Variants in ADGRB2 observed in about 807,000 individuals in gnomAD.
ADGRB2 encodes adhesion G protein-coupled receptor B2, also known as brain-specific angiogenesis inhibitor 2.
A neutral mutation model predicts 178.7 loss-of-function variants in ADGRB2; 47 were observed. That is an observed-to-expected ratio of 0.26 (90% CI 0.21 to 0.34). The LOEUF (loss-of-function observed/expected upper bound fraction) is 0.34, where lower values mean the gene tolerates loss of function less well. Among genes scored for constraint, ADGRB2 ranks in the 10% least tolerant of loss-of-function variants. The pLI is 1.00. For missense variants in ADGRB2, 1,584 were observed against 2,180.8 expected (o/e 0.73, Z 5.45); for synonymous variants, 870 against 912.4 (o/e 0.95, Z 0.84).
Position 31,728,029 on chromosome 1 carries a change from C to T in ADGRB2, c.4568G>A (p.Cys1523Tyr). 6.4e-7 allele frequency: 1 copy of T among 1,568,418 alleles called. No individual in the cohort carries two copies. Among genetic ancestry groups the T allele is most frequent in the South Asian group, 1.2e-5 (1 of 86,434 alleles). Reference sequence around the variant, plus strand: ...ACCCAGCCCGGGGGGACTCACGGTGCACACGCTCCGCTCGGCTGCCCCACC... The same window carrying T: ...ACCCAGCCCGGGGGGACTCACGGTGTACACGCTCCGCTCGGCTGCCCCACC... ...SSGGAAERSV[C>Y]TDKPSPGERP... The change falls in exon 32 of 33, where the codon TGC becomes TAC. Residue 1523 changes from cysteine to tyrosine, a missense_variant. Physicochemically the swap from Cys to Tyr is radical, Grantham distance 194 (BLOSUM62 -2). Transcript: ENST00000373658. The surrounding 1 kb of genome is among the most constrained non-coding windows in gnomAD (Gnocchi z 6.7).
At position 31,744,749 on chromosome 1, in the gene ADGRB2, T is replaced by C. The variant is rs757082612; in HGVS notation, c.839-18A>G. ...CTCCTCACCTGGAACACGGAGGTGG[T>C]GGCAGGGGCTCAGCAAAGGCCAGCT... On this transcript the variant is annotated intron_variant, in intron 4 of 32. Transcript: ENST00000373658. This position sits in a 1 kb window ranked among gnomAD's most constrained non-coding sequence, Gnocchi z 6.7. The C allele has an allele frequency of 4.3e-6, 7 of 1,613,662 alleles. 1 individual carries two copies. Among genetic ancestry groups the C allele is most frequent in the Middle Eastern group, 1.7e-4 (1 of 6,060 alleles).
In ADGRB2 at chr1:31,733,413, A is replaced by G. The variant is rs1181994692; in HGVS notation, c.3453-270T>C. On this transcript the variant is annotated intron_variant, in intron 25 of 32. Transcript: ENST00000373658. The surrounding 1 kb of genome is among the most constrained non-coding windows in gnomAD (Gnocchi z 4.3). Reference sequence around the variant, plus strand: ...CAGACACAGTGGGACCGAGCCACAGACAGTGGAAAGGGACGGGGAGAGAGA... The same window carrying G: ...CAGACACAGTGGGACCGAGCCACAGGCAGTGGAAAGGGACGGGGAGAGAGA... Among the ~76,000 whole-genome samples the G allele has an allele frequency of 2.6e-5, 4 of 152,238 alleles. No individual in the cohort carries two copies. The highest frequency in any genetic ancestry group is 1.3e-4 in the Admixed American group (2 of 15,292).
chr1:31,741,947 G>A lies in ADGRB2; in HGVS notation c.1438C>T (p.Pro480Ser), dbSNP rs781652961. Reference protein sequence around the residue: ...ECPATDSKWGPWNAWSLCSKT... With the variant: ...ECPATDSKWGSWNAWSLCSKT... ...GAGCACAGGCTCCACGCATTCCATG[G>A]CCCCCACTTGCTATCAGTGGCTGTG... The change falls in exon 9 of 33, where the codon CCA (proline) becomes TCA (serine). Residue 480 changes from proline (P) to serine (S), a missense_variant. This residue lies in a region of ADGRB2 where 657 missense variants were observed against 847.6 expected (regional missense o/e 0.78). Transcript: ENST00000373658. This position sits in a 1 kb window ranked among gnomAD's most constrained non-coding sequence, Gnocchi z 6.5. The A allele has an allele frequency of 3.1e-6, 5 of 1,594,034 alleles. No individual in the cohort carries two copies. The highest frequency in any genetic ancestry group is 2.2e-5 in the South Asian group (2 of 89,160).
chr1:31,730,725 A>T, intron 29 of ADGRB2, 75 bp downstream of exon 29: 1 of 1,406,932 alleles, frequency 7.1e-7, no homozygotes, highest in Non-Finnish European at 9.3e-7. Flanking sequence ...GGGGAGGATG[A>T]GGCTGTCCCC....
At chr1:31,736,439 C>T (rs886275737) in intron 21 of ADGRB2, 49 bp from the exon 22 acceptor site, 2 of 1,609,412 alleles carry the variant, frequency 1.2e-6, no homozygotes, top group Non-Finnish European at 1.7e-6. Flanking sequence ...TCTTCAGGGA[C>T]CCCTTGTTCT....
chr1:31,746,749 G>C (rs954616459), intron 4 of ADGRB2, among the ~76,000 whole-genome samples: 1 of 152,054 alleles, frequency 6.6e-6, no homozygotes, highest in Non-Finnish European at 1.5e-5. Flanking sequence ...CCCCACAAAG[G>C]CCAGCCCCGT....
chr1:31,756,136 G>A lies in ADGRB2; in HGVS notation c.701C>T (p.Thr234Ile), dbSNP rs776230968. 6.2e-7 allele frequency: 1 copy of A among 1,613,380 alleles called. No individual in the cohort carries two copies. The highest frequency in any genetic ancestry group is 8.5e-7 in the Non-Finnish European group (1 of 1,179,848). Residue 234 changes from threonine (T) to isoleucine (I), a missense_variant, in exon 4 of 33, where the codon ACC becomes ATC. Thr to Ile is a moderately conservative substitution (Grantham distance 89, BLOSUM62 -1). This residue lies in a region of ADGRB2 where 657 missense variants were observed against 847.6 expected (regional missense o/e 0.78). Coordinates refer to ENST00000373658, the MANE Select transcript of ADGRB2 (RefSeq NM_001364857.2). This position sits in a 1 kb window ranked among gnomAD's most constrained non-coding sequence, Gnocchi z 8.5. ...AGGAGGGCCTGGAGATGTGGTGGTGGTGGAGCCGGCCCCCGCCTCTCCAGG... is the reference window on the plus strand; with the variant it reads ...AGGAGGGCCTGGAGATGTGGTGGTGATGGAGCCGGCCCCCGCCTCTCCAGG... The part of the protein sequence containing the change: ...SCPGEAGAGS[T>I]TTTSPGPPAA...
At chr1:31,745,994 C>T (rs1378650600) in intron 4 of ADGRB2, among the ~76,000 whole-genome samples, 1 of 152,210 alleles carries the variant, frequency 6.6e-6, no homozygotes, top group African/African-American at 2.4e-5. Context: ...TCCACATGAT[C>T]CCTGAAATTT....
rs780824797 is a variant in ADGRB2 at position 31,736,403 on chromosome 1, G to A, written c.3131-13C>T. 1.9e-6 allele frequency: 3 copies of A among 1,613,660 alleles called. No individual in the cohort carries two copies. The South Asian group carries it at 3.3e-5, about 18-fold the overall frequency. ...AGGGCAGGCAGACCTGGGGGAGCAGGGGTGCCAGAGTGAGATGGTTGCTGG... is the reference window on the plus strand; with the variant it reads ...AGGGCAGGCAGACCTGGGGGAGCAGAGGTGCCAGAGTGAGATGGTTGCTGG... On this transcript the variant is annotated splice_polypyrimidine_tract_variant and intron_variant, in intron 21 of 32. Transcript: ENST00000373658.
chr1:31,743,025 T>TGGCTGGGCGGC (rs1553186359), intron 6 of ADGRB2, 23 bp from the exon 7 acceptor site: 2 of 1,398,036 alleles, frequency 1.4e-6, no homozygotes, highest in African/African-American at 3.0e-5. Flanking sequence ...ACGTGGCCGG[T>TGGCTGGGCGGC]GGCTGGGCGG....
At position 31,756,168 on chromosome 1, in the gene ADGRB2, G is replaced by A. The variant is rs367771996; in HGVS notation, c.669C>T (p.Cys223=). ...CGGCCCCCGCCTCTCCAGGGCAGCT[G>A]CAGCCTGGCTGAGCAAAGCCGCAGG... is the stretch of plus-strand genomic sequence containing the variant. ...GRACGFAQPG[C]SCPGEAGAGS... Residue 223 remains cysteine, a synonymous_variant, in exon 4 of 33, where the codon TGC becomes TGT. Transcript: ENST00000373658. This position sits in a 1 kb window ranked among gnomAD's most constrained non-coding sequence, Gnocchi z 8.5. 6.2e-7 allele frequency: 1 copy of A among 1,613,330 alleles called. No individual in the cohort carries two copies. The highest frequency in any genetic ancestry group is 8.5e-7 in the Non-Finnish European group (1 of 1,179,878).
In ADGRB2 at chr1:31,738,950, T is replaced by C; in HGVS notation, c.2496-13A>G. The C allele has an allele frequency of 6.3e-7, 1 of 1,596,316 alleles. No individual in the cohort carries two copies. The highest frequency in any genetic ancestry group is 8.6e-7 in the Non-Finnish European group (1 of 1,167,756). On this transcript the variant is annotated splice_polypyrimidine_tract_variant and intron_variant, in intron 15 of 32. Coordinates refer to ENST00000373658, the MANE Select transcript of ADGRB2 (RefSeq NM_001364857.2). The stretch of plus-strand genomic sequence containing the variant: ...GGCCAGCGGGGGCCTGCGGGACAGG[T>C]ACCGAAGTCAGCTCCTGCCAGCGGG...
rs548236545 is a variant in ADGRB2, at chr1:31,763,530, T to G, written c.-191+354A>C. On this transcript the variant is annotated intron_variant, in intron 1 of 32. Transcript: ENST00000373658. Reference sequence around the variant, plus strand: ...GCTCTAATAAAGGTGGGGGGCACACTGCCCGGATCCAGGCCGAGATAGGGA... The same window carrying G: ...GCTCTAATAAAGGTGGGGGGCACACGGCCCGGATCCAGGCCGAGATAGGGA... Among the ~76,000 whole-genome samples the G allele has an allele frequency of 8.2e-5, 12 of 147,166 alleles. No individual in the cohort carries two copies. In the East Asian group the frequency reaches 1.9e-3, roughly 23 times the overall value.
At chr1:31,748,813 G>C (rs560547675) in intron 4 of ADGRB2, among the ~76,000 whole-genome samples, 2 of 151,784 alleles carry the variant, frequency 1.3e-5, no homozygotes, top group Non-Finnish European at 3.0e-5. Flanking sequence ...ATAAGGCAAC[G>C]TTTACTAAAC....
At chr1:31,760,353 T>C (rs1429209326) in intron 1 of ADGRB2, among the ~76,000 whole-genome samples, 1 of 152,132 alleles carries the variant, frequency 6.6e-6, no homozygotes, top group East Asian at 1.9e-4. Flanking sequence ...CACATGCCCC[T>C]GACCCCAGCA....
At chr1:31,739,194 G>T in intron 15 of ADGRB2, 114 bp downstream of exon 15, 1 of 1,171,490 alleles carries the variant, frequency 8.5e-7, no homozygotes, top group South Asian at 1.7e-5. Context: ...GGTTCCTGAA[G>T]GTGGAGGAGG....
intron 29 of ADGRB2, among the ~76,000 whole-genome samples, chr1:31,729,726 C>G (rs956371697): frequency 1.3e-5 from 2 of 152,262 alleles, no homozygotes; most frequent in African/African-American, 4.8e-5. Flanking sequence ...GCTGCATTTA[C>G]TACTGCCTCC....
chr1:31,753,794 A>T lies in ADGRB2; in HGVS notation c.838+2205T>A, dbSNP rs557322468. On this transcript the variant is annotated intron_variant, in intron 4 of 32. Coordinates refer to ENST00000373658, the MANE Select transcript of ADGRB2 (RefSeq NM_001364857.2). This position sits in a 1 kb window ranked among gnomAD's most constrained non-coding sequence, Gnocchi z 4.1. ...CAGTCATGTGCCCGCTATGTCTCAC[A>T]CCAGAAAGGTTGGGCAGGAGGGAGG... is the stretch of plus-strand genomic sequence containing the variant. Among the ~76,000 whole-genome samples, 2 of 152,232 alleles carry T rather than the reference A, an allele frequency of 1.3e-5. No homozygotes were observed. The highest frequency in any genetic ancestry group is 4.1e-4 in the South Asian group (2 of 4,826).
At position 31,756,944 on chromosome 1, in the gene ADGRB2, C is replaced by T. The variant is rs1646867280; in HGVS notation, c.22-129G>A. The T allele has an allele frequency of 8.9e-7, 1 of 1,119,892 alleles. No homozygotes were observed. The highest frequency in any genetic ancestry group is 1.6e-5 in the African/African-American group (1 of 63,108). 69.4% of individuals were successfully genotyped at this position (1,119,892 alleles called of 1,614,324 possible). On this transcript the variant is annotated intron_variant, in intron 3 of 32. Transcript: ENST00000373658. This position sits in a 1 kb window ranked among gnomAD's most constrained non-coding sequence, Gnocchi z 8.5. ...GTCTTTGAAGTGTCACCTGGGTCCACCTGTGTGAACTTAGACAAGGGACTT... is the reference window on the plus strand; with the variant it reads ...GTCTTTGAAGTGTCACCTGGGTCCATCTGTGTGAACTTAGACAAGGGACTT...
Sources: gnomAD v4.1 joint callset for allele counts (sites outside exome capture counted in the v4.1 genomes callset) on GRCh38, gnomAD v4.1.1 for gene constraint, gnomAD v4.1.1 regional missense constraint, Gnocchi (gnomAD v3.1) non-coding constraint, MANE v1.5 for transcripts, NCBI Gene and HGNC (gene_info 2026-07-23, HGNC 2026-07-21) for gene names.